Variants in PLCB4 observed in about 807,000 individuals in gnomAD.
PLCB4 encodes 1-phosphatidylinositol 4,5-bisphosphate phosphodiesterase beta-4.
A neutral mutation model predicts 178.8 loss-of-function variants in PLCB4; 77 were observed. That is an observed-to-expected ratio of 0.43 (90% confidence interval 0.36 to 0.52). The LOEUF (loss-of-function observed/expected upper bound fraction) is 0.52, where lower values mean the gene tolerates loss of function less well. PLCB4 is among the 20% of genes least tolerant of loss of function. The pLI is 0.00. For missense variants in PLCB4, 1,024 were observed against 1,453.4 expected, an observed-to-expected ratio of 0.70 and a Z score of 4.80; for synonymous variants, 496 against 490.8, an observed-to-expected ratio of 1.01 and a Z score of -0.14.
At chr20:9,369,408 A>C (rs1472993829) in intron 9 of PLCB4, among the ~76,000 whole-genome samples, 1 of 152,178 alleles carries the variant, frequency 6.6e-6, no homozygotes, top group East Asian at 1.9e-4. Flanking sequence ...CCCTAAATTA[A>C]AAAGGCTACA....
At chr20:9,468,263 A>G (rs2043933997) in intron 35 of PLCB4, among the ~76,000 whole-genome samples, 2 of 152,128 alleles carry the variant, frequency 1.3e-5, no homozygotes, top group African/African-American at 4.8e-5. Flanking sequence ...TCCAAAATAC[A>G]GAAGTCGATG....
At chr20:9,274,203 C>T (rs2094432050) in intron 3 of PLCB4, among the ~76,000 whole-genome samples, 1 of 152,106 alleles carries the variant, frequency 6.6e-6, no homozygotes, top group Admixed American at 6.6e-5. Flanking sequence ...GGAAAAGGCA[C>T]ATTAAATGTT....
At chr20:9,359,441 A>G (rs2035128446) in intron 7 of PLCB4, among the ~76,000 whole-genome samples, 2 of 152,162 alleles carry the variant, frequency 1.3e-5, no homozygotes, top group Admixed American at 6.5e-5. Context: ...TTCTTCTTAG[A>G]AGGGCTGAAA....
intron 2 of PLCB4, among the ~76,000 whole-genome samples, chr20:9,211,702 T>A (rs1485576303): frequency 6.6e-6 from 1 of 152,232 alleles, no homozygotes; most frequent in Non-Finnish European, 1.5e-5. Context: ...TATAAGTAGC[T>A]GTAAATAATT....
At chr20:9,375,789 A>G (rs1267282103) in intron 12 of PLCB4, among the ~76,000 whole-genome samples, 1 of 152,138 alleles carries the variant, frequency 6.6e-6, no homozygotes, top group Non-Finnish European at 1.5e-5. Flanking sequence ...GTTTGAAGTA[A>G]TTAGAGAGTT....
chr20:9,222,238 C>G (rs760633573), intron 3 of PLCB4, among the ~76,000 whole-genome samples: 1 of 151,978 alleles, frequency 6.6e-6, no homozygotes, highest in Non-Finnish European at 1.5e-5. Flanking sequence ...TACAAGTATG[C>G]ACTACCATAC....
At position 9,461,587 on chromosome 20, in the gene PLCB4, G is replaced by T. The variant is rs182926526; in HGVS notation, c.3248+1777G>T. 1.2e-4 allele frequency among the ~76,000 whole-genome samples: 18 copies of T among 152,330 alleles called. No individual in the cohort carries two copies. In the Middle Eastern group the frequency reaches 0.017, roughly 144 times the overall value. On this transcript the variant is annotated intron_variant, in intron 35 of 39. Transcript: ENST00000378473. Reference sequence around the variant, plus strand: ...TGCTTTTCCCAAGGTCTTAGCAACCGGCAGACAAGGCGATTCTCTCCTGTG... The same window carrying T: ...TGCTTTTCCCAAGGTCTTAGCAACCTGCAGACAAGGCGATTCTCTCCTGTG...
At chr20:9,074,791 C>CATT (rs1555809658) in intron 1 of PLCB4, among the ~76,000 whole-genome samples, 1 of 64,412 alleles carries the variant, frequency 1.6e-5, no homozygotes, top group African/African-American at 4.9e-5. Context: ...CCCAGCTAGG[C>CATT]TTTTTTTTTT....
At chr20:9,191,915 G>A (rs2093410274) in intron 2 of PLCB4, among the ~76,000 whole-genome samples, 1 of 150,028 alleles carries the variant, frequency 6.7e-6, no homozygotes, top group African/African-American at 2.5e-5. Context: ...CATCCTTAGA[G>A]CTTAGGTATG....
chr20:9,198,156 T>G (rs191058301), intron 2 of PLCB4, among the ~76,000 whole-genome samples: 186 of 152,286 alleles, frequency 1.2e-3, no homozygotes, highest in African/African-American at 4.3e-3. Flanking sequence ...TAACTAAGGT[T>G]TTTATATCAT....
chr20:9,264,899 C>T (rs774755682), intron 3 of PLCB4, among the ~76,000 whole-genome samples: 89 of 152,062 alleles, frequency 5.9e-4, no homozygotes, highest in Non-Finnish European at 5.1e-4. Context: ...ATCATCCTGT[C>T]GACCGTTTAC....
chr20:9,362,950 A>C lies in PLCB4; in HGVS notation c.424A>C (p.Ser142Arg). The C allele has an allele frequency of 6.2e-7, 1 of 1,612,328 alleles. No individual in the cohort carries two copies. The highest frequency in any genetic ancestry group is 8.5e-7 in the Non-Finnish European group (1 of 1,178,392). ...IIHNFRANNV[S>R]PMTCLKKHWM... ...ACACAACTTCAGGGCCAACAACGTC[A>C]GTCCAATGACATGCCTCAAGAAACA... The change falls in exon 8 of 40, where the codon AGT (serine) becomes CGT (arginine). Residue 142 changes from serine (S) to arginine (R), a missense_variant. Coordinates refer to ENST00000378473, the MANE Select transcript of PLCB4 (RefSeq NM_001377142.1).
intron 4 of PLCB4, among the ~76,000 whole-genome samples, chr20:9,318,628 A>G (rs1351548940): frequency 6.6e-6 from 1 of 152,198 alleles, no homozygotes; most frequent in Non-Finnish European, 1.5e-5. Context: ...GCCTGTTATC[A>G]TTTAAACTGT....
chr20:9,356,838 A>G (rs1195912668), intron 7 of PLCB4, among the ~76,000 whole-genome samples: 1 of 152,230 alleles, frequency 6.6e-6, no homozygotes, highest in Non-Finnish European at 1.5e-5. Context: ...AAAATGGGCC[A>G]GGTGCAGTGG....
chr20:9,276,296 A>C (rs1237708293), intron 3 of PLCB4, among the ~76,000 whole-genome samples: 2 of 152,044 alleles, frequency 1.3e-5, no homozygotes, highest in East Asian at 3.9e-4. Flanking sequence ...CGAAATCACC[A>C]AGAGGAAGGG....
intron 38 of PLCB4, among the ~76,000 whole-genome samples, chr20:9,476,289 T>A (rs1057399040): frequency 6.6e-6 from 1 of 152,106 alleles, no homozygotes; most frequent in Non-Finnish European, 1.5e-5. Context: ...CCTACTTGAG[T>A]TTTTTCATAG....
rs771390297 is a variant in PLCB4 at position 9,256,980 on chromosome 20, T to C, written c.-16+39528T>C. 5.5e-4 allele frequency among the ~76,000 whole-genome samples: 83 copies of C among 152,192 alleles called. 2 individuals carry two copies. Among genetic ancestry groups the C allele is most frequent in the Non-Finnish European group, 1.8e-4 (12 of 68,028 alleles). On this transcript the variant is annotated intron_variant, in intron 3 of 39. Transcript: ENST00000378473. ...GTTTGTGGGCAAGTGATTGTTCTCA[T>C]GGAGGATGATTCCATCTAAGAGCAA... is the stretch of plus-strand genomic sequence containing the variant.
At chr20:9,233,276 T>C (rs936963650) in intron 3 of PLCB4, among the ~76,000 whole-genome samples, 1 of 152,140 alleles carries the variant, frequency 6.6e-6, no homozygotes, top group Admixed American at 6.6e-5. Context: ...GTCACTTTTT[T>C]GTAATTTTTT....
rs953705600 is a variant in PLCB4 at position 9,077,434 on chromosome 20, C to G, written c.-135+8228C>G. 9.8e-5 allele frequency among the ~76,000 whole-genome samples: 15 copies of G among 152,292 alleles called. No individual in the cohort carries two copies. The Middle Eastern group carries it at 0.014, about 138-fold the overall frequency. On this transcript the variant is annotated intron_variant, in intron 1 of 39. Coordinates refer to ENST00000378473, the MANE Select transcript of PLCB4 (RefSeq NM_001377142.1). ...CCTCTGATTATGCAGCTGAACATAG[C>G]CTCTAATTGCAGCATGTCCCACATT...
Sources: gnomAD v4.1 joint callset for allele counts (sites outside exome capture counted in the v4.1 genomes callset) on GRCh38, gnomAD v4.1.1 for gene constraint, MANE v1.5 for transcripts, NCBI Gene and HGNC (gene_info 2026-07-23, HGNC 2026-07-21) for gene names.